The following FCRL3 variants were observed in gnomAD, a reference collection of about 807,000 sequenced individuals.
FCRL3 encodes Fc receptor-like protein 3.
FCRL3 carries 89 observed loss-of-function variants against 75.0 expected under a neutral mutation model. The observed-to-expected ratio is 1.19, with a 90% confidence interval of 1.00 to 1.42. The LOEUF (loss-of-function observed/expected upper bound fraction) is 1.42. Among genes scored for constraint, FCRL3 ranks in the 40% most tolerant of loss-of-function variants. The pLI is 0.00. For synonymous variants in FCRL3, 376 were observed against 348.5 expected (o/e 1.08, Z -0.88); for missense variants, 946 against 880.0 (o/e 1.07, Z -0.95).
At chr1:157,688,036 A>G (rs1655282889) in intron 10 of FCRL3, among the ~76,000 whole-genome samples, 1 of 152,152 alleles carries the variant, frequency 6.6e-6, no homozygotes, top group Admixed American at 6.5e-5. Flanking sequence ...AAGTAAAGCA[A>G]AAAATAGATG....
Position 157,678,518 on chromosome 1 carries a change from C to CTGCCTG in FCRL3, c.*186_*191dup. 1 of 1,431,286 alleles carries CTGCCTG rather than the reference C, an allele frequency of 7.0e-7. No homozygotes were observed. Among genetic ancestry groups the CTGCCTG allele is most frequent in the East Asian group, 2.5e-5 (1 of 39,554 alleles). The allele number at this position is 1,431,286 out of a possible 1,614,324, so 88.7% of individuals were successfully genotyped here. A position where few individuals can be genotyped will look rare whatever the true frequency, so the allele number is the denominator to read the frequency against. On this transcript the variant is annotated 3_prime_UTR_variant, in exon 15 of 15. Transcript: ENST00000368184. ...AAATAACACAGTGCTTGCTCAGAGG[C>CTGCCTG]TGCCTGCTCTCTTCCTGGGGAACAC...
rs1654562904 is a variant in FCRL3, at chr1:157,677,932, T to C, written c.*778A>G. ...GAGAAGCCACATAGATATAGTAGGT[T>C]ATTGTCTCGGGGTTAATGGGTGCTT... On this transcript the variant is annotated 3_prime_UTR_variant, in exon 15 of 15. Transcript: ENST00000368184. 1.0e-6 allele frequency: 1 copy of C among 983,356 alleles called. No individual in the cohort carries two copies. The highest frequency in any genetic ancestry group is 1.2e-6 in the Non-Finnish European group (1 of 828,252). The allele number at this position is 983,356 out of a possible 1,614,324, so 60.9% of individuals were successfully genotyped here. A position where few individuals can be genotyped will look rare whatever the true frequency, so the allele number is the denominator to read the frequency against.
At chr1:157,692,904 A>G (rs1655642278) in intron 8 of FCRL3, among the ~76,000 whole-genome samples, 1 of 152,230 alleles carries the variant, frequency 6.6e-6, no homozygotes, top group Non-Finnish European at 1.5e-5. Context: ...TGTCAACTTT[A>G]AAAATTTATA....
At chr1:157,698,723 G>T in intron 3 of FCRL3, 94 bp from the exon 4 acceptor site, 3 of 1,343,230 alleles carry the variant, frequency 2.2e-6, no homozygotes, top group Non-Finnish European at 3.1e-6. Context: ...GAGTTTTCCT[G>T]GACTAATTTC....
Position 157,680,966 on chromosome 1 carries a change from C to A in FCRL3, c.1957+15G>T. 2 of 1,566,300 alleles carry A rather than the reference C, an allele frequency of 1.3e-6. No individual in the cohort carries two copies. Among genetic ancestry groups the A allele is most frequent in the Non-Finnish European group, 1.7e-6 (2 of 1,159,506 alleles). ...GCTCCTCCCTAGAGCCTTCTGCCCC[C>A]TAGGGAGTCCTCACCATTGCTGTAC... is the stretch of plus-strand genomic sequence containing the variant. On this transcript the variant is annotated intron_variant, in intron 12 of 14. Transcript: ENST00000368184.
chr1:157,680,857 C>G (rs779489037), intron 12 of FCRL3, 87 bp from the exon 13 acceptor site: 177 of 1,466,454 alleles, frequency 1.2e-4, no homozygotes, highest in South Asian at 4.3e-4. Context: ...TAACCAACTT[C>G]TATTCCCAGT....
In FCRL3 at chr1:157,695,626, C is replaced by T. The variant is rs1326712965; in HGVS notation, c.1133-19G>A. 1 of 1,579,244 alleles carries T rather than the reference C, an allele frequency of 6.3e-7. No individual in the cohort carries two copies. The highest frequency in any genetic ancestry group is 8.6e-7 in the Non-Finnish European group (1 of 1,163,768). On this transcript the variant is annotated intron_variant, in intron 7 of 14. Coordinates refer to ENST00000368184, the MANE Select transcript of FCRL3 (RefSeq NM_052939.4). The stretch of plus-strand genomic sequence containing the variant: ...ACCGGAACTGAAGGAGACAAAAGGG[C>T]TGTCAGAGGATTCTGACGTTGTGAC...
In FCRL3 at chr1:157,696,086, G is replaced by T. The variant is rs368325573; in HGVS notation, c.1086C>A (p.Asn362Lys). Residue 362 changes from asparagine to lysine, a missense_variant, in exon 7 of 15, where the codon AAC (asparagine) becomes AAA (lysine). Asn to Lys is a moderately conservative substitution (Grantham distance 94). Transcript: ENST00000368184. ...DAGRYYCAAD[N>K]VHSPILSTWI... ...ACGTGCTGAGGATGGGGCTGTGAAC[G>T]TTATCAGCTGCACAGTAGTATCTCC... 22 of 1,613,232 alleles carry T rather than the reference G, an allele frequency of 1.4e-5. No homozygotes were observed. In the African/African-American group the frequency reaches 2.4e-4, roughly 18 times the overall value.
chr1:157,680,979 A>T lies in FCRL3; in HGVS notation c.1957+2T>A. ...GCCTTCTGCCCCCTAGGGAGTCCTC[A>T]CCATTGCTGTACATTGGCTCCAGCT... On this transcript the variant is annotated splice_donor_variant, in intron 12 of 14. Coordinates refer to ENST00000368184, the MANE Select transcript of FCRL3 (RefSeq NM_052939.4). LOFTEE classifies it high-confidence loss of function. The T allele has an allele frequency of 6.3e-7, 1 of 1,576,456 alleles. No homozygotes were observed. The highest frequency in any genetic ancestry group is 8.6e-7 in the Non-Finnish European group (1 of 1,165,560).
chr1:157,697,473 C>T (rs751874309), intron 5 of FCRL3, 49 bp from the exon 6 acceptor site: 3 of 1,518,300 alleles, frequency 2.0e-6, no homozygotes, highest in South Asian at 1.4e-5. Flanking sequence ...GCTCAGAGTT[C>T]CTAGAGAGAT....
chr1:157,682,306 G>A (rs1308332611), intron 11 of FCRL3, among the ~76,000 whole-genome samples: 1 of 152,048 alleles, frequency 6.6e-6, no homozygotes, highest in South Asian at 2.1e-4. Context: ...TTTTAGACAC[G>A]AAGTCCTTGC....
At position 157,678,423 on chromosome 1, in the gene FCRL3, T is replaced by C. The variant is rs1390762962; in HGVS notation, c.*287A>G. The C allele has an allele frequency of 1.6e-6, 2 of 1,251,640 alleles. No individual in the cohort carries two copies. The highest frequency in any genetic ancestry group is 3.0e-5 in the African/African-American group (2 of 66,194). 77.5% of individuals were successfully genotyped at this position (1,251,640 alleles called of 1,614,324 possible). ...CTTGTAACCCTGGCTAGACCATTTC[T>C]CTCTCCTCCTCTATTCGACAGCCCT... On this transcript the variant is annotated 3_prime_UTR_variant, in exon 15 of 15. Transcript: ENST00000368184.
Position 157,700,643 on chromosome 1 carries a change from A to T in FCRL3, c.-97+19T>A. 1 of 1,490,916 alleles carries T rather than the reference A, an allele frequency of 6.7e-7. No homozygotes were observed. Among genetic ancestry groups the T allele is most frequent in the Non-Finnish European group, 9.0e-7 (1 of 1,116,464 alleles). 92.4% of individuals were successfully genotyped at this position (1,490,916 alleles called of 1,614,324 possible). A position where few individuals can be genotyped will look rare whatever the true frequency, so the allele number is the denominator to read the frequency against. ...GTGTCATATTTTGCTTTGGGCTCTG[A>T]AAATGTGAATGTGGCTACCTTCCTA... is the stretch of plus-strand genomic sequence containing the variant. On this transcript the variant is annotated intron_variant, in intron 1 of 14. Transcript: ENST00000368184.
rs117055441 is a variant in FCRL3, at chr1:157,697,057, C to T, written c.844+83G>A. Reference sequence around the variant, plus strand: ...GCTGGACACTCCTCTCTGTTATGTCCACCATCCTAGGGGTGCAGGAGATAT... The same window carrying T: ...GCTGGACACTCCTCTCTGTTATGTCTACCATCCTAGGGGTGCAGGAGATAT... On this transcript the variant is annotated intron_variant, in intron 6 of 14. Transcript: ENST00000368184. 2.5e-4 allele frequency: 319 copies of T among 1,277,852 alleles called. 1 individual carries two copies. In the East Asian group the frequency reaches 8.3e-3, roughly 33 times the overall value. 79.2% of individuals were successfully genotyped at this position (1,277,852 alleles called of 1,614,324 possible).
chr1:157,690,138 C>T, intron 9 of FCRL3, 117 bp downstream of exon 9: 2 of 1,414,304 alleles, frequency 1.4e-6, no homozygotes, highest in Non-Finnish European at 9.6e-7. Context: ...CCAGAAGTCC[C>T]AAGCCTTCGT....
chr1:157,699,762 A>G, intron 2 of FCRL3, 50 bp from the exon 3 acceptor site: 1 of 1,599,306 alleles, frequency 6.3e-7, no homozygotes, highest in Non-Finnish European at 8.5e-7. Context: ...AACATTTTCT[A>G]ACAACCTAAC....
rs977717948 is a variant in FCRL3 at position 157,676,543 on chromosome 1, G to T, written c.*2167C>A. ...CTAAAATTACTTTTTTTAGATTTCT[G>T]GGCTATGGGTTTTTAGTTGTGAATT... On this transcript the variant is annotated 3_prime_UTR_variant, in exon 15 of 15. Coordinates refer to ENST00000368184, the MANE Select transcript of FCRL3 (RefSeq NM_052939.4). 11 of 600,762 alleles carry T rather than the reference G, an allele frequency of 1.8e-5. No individual in the cohort carries two copies. In the African/African-American group the frequency reaches 1.9e-4, roughly 10 times the overall value. The allele number at this position is 600,762 out of a possible 1,614,324, so 37.2% of individuals were successfully genotyped here.
chr1:157,678,309 G>T lies in FCRL3; in HGVS notation c.*401C>A. 2.0e-6 allele frequency: 2 copies of T among 1,011,812 alleles called. No homozygotes were observed. The highest frequency in any genetic ancestry group is 2.4e-6 in the Non-Finnish European group (2 of 846,084). The allele number at this position is 1,011,812 out of a possible 1,614,324, so 62.7% of individuals were successfully genotyped here. On this transcript the variant is annotated 3_prime_UTR_variant, in exon 15 of 15. Transcript: ENST00000368184. The stretch of plus-strand genomic sequence containing the variant: ...TGCCACTACCAGCCACACAAAAAAG[G>T]GAAACAAAATATTTGGAGCAAATTG...
In FCRL3 at chr1:157,676,853, AT is replaced by A. The variant is rs1654488936; in HGVS notation, c.*1856del. On this transcript the variant is annotated 3_prime_UTR_variant, in exon 15 of 15. Transcript: ENST00000368184. ...AGGCACAAAGGGGCTTGGCAAGGTA[AT>A]TCCAAATCAGCAGCAGGGTTAGAAA... is the stretch of plus-strand genomic sequence containing the variant. 1 of 1,537,518 alleles carries A rather than the reference AT, an allele frequency of 6.5e-7. No individual in the cohort carries two copies. The highest frequency in any genetic ancestry group is 2.0e-5 in the Admixed American group (1 of 50,248).
Sources: gnomAD v4.1 joint callset for allele counts (sites outside exome capture counted in the v4.1 genomes callset) on GRCh38, gnomAD v4.1.1 for gene constraint, MANE v1.5 for transcripts, NCBI Gene and HGNC (gene_info 2026-07-23, HGNC 2026-07-21) for gene names.